Variants in NR6A1 observed in about 807,000 individuals in gnomAD.
The protein encoded by NR6A1 is nuclear receptor subfamily 6 group A member 1, also known as retinoic acid receptor-related testis-associated receptor.
NR6A1 carries 7 observed loss-of-function variants against 59.1 expected under a neutral mutation model. The ratio of observed to expected loss-of-function variants is 0.12; its 90% CI spans 0.07 to 0.22. NR6A1 has a LOEUF of 0.22. Among genes scored for constraint, NR6A1 ranks in the 10% least tolerant of loss-of-function variants. The probability of loss-of-function intolerance (pLI) is 1.00; values close to 1 mark genes in which losing one functional copy is unlikely to be tolerated. For synonymous variants in NR6A1, 243 were observed against 236.1 expected (o/e 1.03, Z -0.27); for missense variants, 468 against 611.6 (o/e 0.77, Z 2.48).
chr9:124,679,606 A>G, intron 2 of NR6A1, among the ~76,000 whole-genome samples: 1 of 152,138 alleles, frequency 6.6e-6, no homozygotes, highest in East Asian at 1.9e-4. Flanking sequence ...GAGTTTGAAA[A>G]AAGGCTGGGC....
At chr9:124,613,800 G>A (rs1835818290) in intron 2 of NR6A1, among the ~76,000 whole-genome samples, 2 of 152,136 alleles carry the variant, frequency 1.3e-5, no homozygotes, top group African/African-American at 4.8e-5. Flanking sequence ...TCTTGTTAAT[G>A]AAAAGAATCA....
chr9:124,614,521 T>C (rs1041441298), intron 2 of NR6A1, among the ~76,000 whole-genome samples: 1 of 152,140 alleles, frequency 6.6e-6, no homozygotes, highest in Middle Eastern at 3.2e-3. Flanking sequence ...CTATAAATGA[T>C]AGAATCTAAG....
intron 3 of NR6A1, among the ~76,000 whole-genome samples, chr9:124,548,474 C>T (rs1443969016): frequency 6.6e-6 from 1 of 151,890 alleles, no homozygotes; most frequent in Non-Finnish European, 1.5e-5. Flanking sequence ...AAACTTGTCT[C>T]TACAAATTTT....
chr9:124,656,556 C>T (rs1837264336), intron 2 of NR6A1, among the ~76,000 whole-genome samples: 1 of 152,078 alleles, frequency 6.6e-6, no homozygotes, highest in Non-Finnish European at 1.5e-5. Context: ...AGAGGCTAGG[C>T]ACGGTGGGCT....
intron 1 of NR6A1, among the ~76,000 whole-genome samples, chr9:124,767,112 T>G (rs901427984): frequency 6.6e-6 from 1 of 152,192 alleles, no homozygotes; most frequent in African/African-American, 2.4e-5. Flanking sequence ...TAAACTCTAT[T>G]TTCCACCTTT....
chr9:124,734,222 T>C (rs1839959040), intron 1 of NR6A1, among the ~76,000 whole-genome samples: 1 of 152,224 alleles, frequency 6.6e-6, no homozygotes, highest in South Asian at 2.1e-4. Context: ...TGCTTGCTTC[T>C]AGCACTCATC....
At chr9:124,561,856 G>A (rs10739652) in intron 2 of NR6A1, among the ~76,000 whole-genome samples, 70,629 of 151,934 alleles carry the variant, frequency 0.46, 16,672 homozygotes, top group Admixed American at 0.59. Context: ...AGGTTGCAGT[G>A]AGCCAAGATT....
intron 2 of NR6A1, among the ~76,000 whole-genome samples, chr9:124,701,684 G>T (rs896568234): frequency 6.6e-6 from 1 of 152,140 alleles, no homozygotes; most frequent in African/African-American, 2.4e-5. Context: ...TTATTGAGTT[G>T]TAAGAGTTCT....
At chr9:124,539,778 T>C (rs1413499885) in intron 5 of NR6A1, among the ~76,000 whole-genome samples, 1 of 152,264 alleles carries the variant, frequency 6.6e-6, no homozygotes, top group Non-Finnish European at 1.5e-5. Context: ...AGGTGAAGAA[T>C]GCACGGGCAT....
chr9:124,629,929 T>C (rs1836375319), intron 2 of NR6A1, among the ~76,000 whole-genome samples: 1 of 152,194 alleles, frequency 6.6e-6, no homozygotes, highest in Non-Finnish European at 1.5e-5. Flanking sequence ...AATTTTTCAT[T>C]AAAGTGTAAA....
In NR6A1 at chr9:124,708,975, C is replaced by T. The variant is rs954133299; in HGVS notation, c.142+24333G>A. Among the ~76,000 whole-genome samples the T allele has an allele frequency of 5.9e-5, 9 of 152,300 alleles. No individual in the cohort carries two copies. The South Asian group carries it at 6.2e-4, about 11-fold the overall frequency. On this transcript the variant is annotated intron_variant, in intron 2 of 9. Transcript: ENST00000487099. ...GAGCTCTGGGTCTTAAAGCTTATAC[C>T]CACAGCCAGTAACTGCGTGACCTGA...
intron 1 of NR6A1, among the ~76,000 whole-genome samples, chr9:124,761,749 A>G (rs1239300729): frequency 1.3e-5 from 2 of 152,228 alleles, no homozygotes; most frequent in Non-Finnish European, 2.9e-5. Context: ...TATCTCTTAT[A>G]AATTGTTCAT....
At chr9:124,666,570 T>G (rs80291283) in intron 2 of NR6A1, among the ~76,000 whole-genome samples, 3,642 of 152,308 alleles carry the variant, frequency 0.024, 116 homozygotes, top group East Asian at 0.096. Context: ...TGAGCAACCA[T>G]GCCCGGCCAC....
chr9:124,591,301 T>G (rs898918964), intron 2 of NR6A1, among the ~76,000 whole-genome samples: 3 of 152,216 alleles, frequency 2.0e-5, no homozygotes, highest in African/African-American at 7.2e-5. Context: ...TTAATTCCCA[T>G]AGCGGTCCTG....
chr9:124,601,028 C>G (rs1231068855), intron 2 of NR6A1, among the ~76,000 whole-genome samples: 1 of 151,326 alleles, frequency 6.6e-6, no homozygotes, highest in Non-Finnish European at 1.5e-5. Context: ...GCAATCCCAG[C>G]ACTTTGGGAG....
intron 2 of NR6A1, among the ~76,000 whole-genome samples, chr9:124,688,149 C>G (rs1838404326): frequency 6.6e-6 from 1 of 151,912 alleles, no homozygotes; most frequent in African/African-American, 2.4e-5. Context: ...TAGTGAGACC[C>G]TGTCTGTACA....
chr9:124,635,344 G>A (rs551212729), intron 2 of NR6A1, among the ~76,000 whole-genome samples: 2 of 152,204 alleles, frequency 1.3e-5, no homozygotes, highest in African/African-American at 2.4e-5. Context: ...GGACCAGGTA[G>A]AGATAACTGC....
At position 124,602,935 on chromosome 9, in the gene NR6A1, A is replaced by G. The variant is rs1445841544; in HGVS notation, c.143-48365T>C. On this transcript the variant is annotated intron_variant, in intron 2 of 9. Coordinates refer to ENST00000487099, the MANE Select transcript of NR6A1 (RefSeq NM_033334.4). Reference sequence around the variant, plus strand: ...TGACCCACTTACTTATAGTGCAAATATTATACTAAGCTATTCCATTTGCCT... The same window carrying G: ...TGACCCACTTACTTATAGTGCAAATGTTATACTAAGCTATTCCATTTGCCT... Among the ~76,000 whole-genome samples the G allele has an allele frequency of 2.6e-5, 4 of 152,160 alleles. No individual in the cohort carries two copies. The East Asian group carries it at 5.8e-4, about 22-fold the overall frequency.
chr9:124,762,226 T>C (rs992758034), intron 1 of NR6A1, among the ~76,000 whole-genome samples: 1 of 152,232 alleles, frequency 6.6e-6, no homozygotes, highest in African/African-American at 2.4e-5. Context: ...GCTTTGTCTA[T>C]TGATATTTAT....
Sources: allele counts gnomAD v4.1 joint callset (sites outside exome capture counted in the v4.1 genomes callset), GRCh38; gene constraint gnomAD v4.1.1; transcripts MANE v1.5; gene names NCBI Gene and HGNC (gene_info 2026-07-23, HGNC 2026-07-21).